Variants in FRMPD1 observed in about 807,000 individuals in gnomAD.
FRMPD1 encodes the protein FERM and PDZ domain containing 1.
In FRMPD1, 76 loss-of-function variants were observed where a neutral mutation model predicts 117.8. The observed-to-expected ratio is 0.65, with a 90% CI of 0.54 to 0.78. The LOEUF (loss-of-function observed/expected upper bound fraction) is 0.78, where lower values mean the gene tolerates loss of function less well. Among genes scored for constraint, FRMPD1 ranks in the 30% least tolerant of loss-of-function variants. The pLI is 0.00. For synonymous variants in FRMPD1, 783 were observed against 770.4 expected, an observed-to-expected ratio of 1.02 and a Z score of -0.27; for missense variants, 1,786 against 1,964.5, an observed-to-expected ratio of 0.91 and a Z score of 1.72.
chr9:37,623,692 T>G, the FRMPD1 span, among the ~76,000 whole-genome samples: 2 of 152,030 alleles, frequency 1.3e-5, no homozygotes, highest in African/African-American at 4.8e-5. Flanking sequence ...ATGATATGAT[T>G]AGAATTGTGC....
At chr9:37,608,567 T>C in the FRMPD1 span, among the ~76,000 whole-genome samples, 1 of 152,018 alleles carries the variant, frequency 6.6e-6, no homozygotes, top group African/African-American at 2.4e-5. Context: ...GGACTTGAAC[T>C]CCTGGGCTCA....
At chr9:37,692,777 A>T (rs1822188392) in intron 2 of FRMPD1, 35 bp downstream of exon 2, 1 of 1,445,460 alleles carries the variant, frequency 6.9e-7, no homozygotes, top group Non-Finnish European at 9.7e-7. Flanking sequence ...TCTGTCTATA[A>T]AGGTCTGGTG....
At chr9:37,704,699 T>G (rs1329959920) in intron 2 of FRMPD1, among the ~76,000 whole-genome samples, 3 of 152,054 alleles carry the variant, frequency 2.0e-5, no homozygotes, top group African/African-American at 7.2e-5. Flanking sequence ...TAAAATATAG[T>G]TAGTATTCAT....
intron 6 of FRMPD1, among the ~76,000 whole-genome samples, chr9:37,721,108 G>A (rs1823380913): frequency 6.6e-6 from 1 of 152,192 alleles, no homozygotes; most frequent in South Asian, 2.1e-4. Flanking sequence ...ACCTGAACTG[G>A]CTACAGAACT....
chr9:37,741,450 GACACACACAC>G (rs56971939), intron 15 of FRMPD1, among the ~76,000 whole-genome samples: 156 of 135,736 alleles, frequency 1.1e-3, no homozygotes, highest in African/African-American at 1.6e-3. Context: ...ATCCTGGCAG[GACACACACAC>G]ACACACACAC....
intron 2 of FRMPD1, among the ~76,000 whole-genome samples, chr9:37,706,232 G>T (rs896668899): frequency 7.2e-5 from 11 of 152,124 alleles, no homozygotes; most frequent in African/African-American, 2.7e-4. Context: ...TTGGTGGATA[G>T]TGTACACGAG....
chr9:37,651,775 C>G (rs1490322821), intron 1 of FRMPD1, among the ~76,000 whole-genome samples: 1 of 152,210 alleles, frequency 6.6e-6, no homozygotes. Flanking sequence ...TGGGCAAGTG[C>G]CCCCTGCTTT....
chr9:37,622,695 T>A, the FRMPD1 span, among the ~76,000 whole-genome samples: 19 of 152,236 alleles, frequency 1.2e-4, no homozygotes, highest in African/African-American at 4.3e-4. Flanking sequence ...ATTCAGCTTG[T>A]GGCAGCAATT....
chr9:37,640,807 T>G, the FRMPD1 span, among the ~76,000 whole-genome samples: 14 of 152,348 alleles, frequency 9.2e-5, no homozygotes, highest in African/African-American at 3.4e-4. Context: ...TTAATCAGGA[T>G]CCAGATTATG....
At chr9:37,636,297 C>T in the FRMPD1 span, among the ~76,000 whole-genome samples, 1 of 152,234 alleles carries the variant, frequency 6.6e-6, no homozygotes, top group East Asian at 1.9e-4. Context: ...GCCGGGGAGA[C>T]CCTCAGCTCT....
chr9:37,680,784 G>A (rs1158394050), intron 1 of FRMPD1, among the ~76,000 whole-genome samples: 1 of 152,298 alleles, frequency 6.6e-6, no homozygotes, highest in South Asian at 2.1e-4. Context: ...CGCCTTTCAG[G>A]TATTCAATGC....
At chr9:37,700,149 G>A (rs1822482200) in intron 2 of FRMPD1, among the ~76,000 whole-genome samples, 1 of 152,142 alleles carries the variant, frequency 6.6e-6, no homozygotes, top group African/African-American at 2.4e-5. Flanking sequence ...GGCAAAAGTA[G>A]AGAGATTTGA....
At chr9:37,630,277 C>T in the FRMPD1 span, among the ~76,000 whole-genome samples, 2 of 152,312 alleles carry the variant, frequency 1.3e-5, no homozygotes, top group East Asian at 3.8e-4. Flanking sequence ...ATTGATAGTG[C>T]CTTAGGTCCA....
At chr9:37,663,131 A>G (rs1821049901) in intron 1 of FRMPD1, among the ~76,000 whole-genome samples, 2 of 152,188 alleles carry the variant, frequency 1.3e-5, no homozygotes, top group Non-Finnish European at 2.9e-5. Context: ...GCCTAGGGGT[A>G]TAAGAGACAT....
At chr9:37,643,257 T>A in the FRMPD1 span, among the ~76,000 whole-genome samples, 27 of 152,198 alleles carry the variant, frequency 1.8e-4, no homozygotes, top group Non-Finnish European at 3.2e-4. Flanking sequence ...GGGCTTAGTC[T>A]TTTTTTCTAT....
chr9:37,655,362 C>G (rs1222587615), intron 1 of FRMPD1, among the ~76,000 whole-genome samples: 5 of 152,134 alleles, frequency 3.3e-5, no homozygotes, highest in Non-Finnish European at 5.9e-5. Flanking sequence ...CTGATCTCAT[C>G]ATGCTCCTCC....
chr9:37,622,901 A>C, the FRMPD1 span, among the ~76,000 whole-genome samples: 2 of 152,120 alleles, frequency 1.3e-5, no homozygotes, highest in East Asian at 3.8e-4. Flanking sequence ...CAGCTTTAGC[A>C]CATTTAGTTA....
At chr9:37,633,747 G>A in the FRMPD1 span, among the ~76,000 whole-genome samples, 3 of 152,218 alleles carry the variant, frequency 2.0e-5, no homozygotes, top group African/African-American at 4.8e-5. Context: ...TGTAGTCCCA[G>A]CTGCTTGGGA....
chr9:37,618,940 C>T, the FRMPD1 span, among the ~76,000 whole-genome samples: 1 of 152,196 alleles, frequency 6.6e-6, no homozygotes, highest in East Asian at 1.9e-4. Context: ...CCTTCTGTTG[C>T]GTAGCTTTCC....
Sources: gnomAD v4.1 joint callset for allele counts (sites outside exome capture counted in the v4.1 genomes callset) on GRCh38, gnomAD v4.1.1 for gene constraint, MANE v1.5 for transcripts, NCBI Gene and HGNC (gene_info 2026-07-23, HGNC 2026-07-21) for gene names.